Variants in ESRRB observed in about 807,000 individuals in gnomAD.
ESRRB encodes steroid hormone receptor ERR2.
Under a neutral mutation model 46.0 loss-of-function variants are expected in ESRRB, and 16 were observed. The ratio of observed to expected loss-of-function variants is 0.35; its 90% CI spans 0.24 to 0.53. ESRRB has a LOEUF of 0.53. ESRRB is among the 20% of genes least tolerant of loss of function. The pLI, the probability that ESRRB is intolerant of heterozygous loss-of-function variation, is 0.93. For missense variants in ESRRB, 488 were observed against 607.4 expected (o/e 0.80, Z 2.07); for synonymous variants, 246 against 259.6 (o/e 0.95, Z 0.50).
At chr14:76,336,897 A>G (rs1349531100) in intron 1 of ESRRB, among the ~76,000 whole-genome samples, 1 of 152,166 alleles carries the variant, frequency 6.6e-6, no homozygotes, top group South Asian at 2.1e-4. Flanking sequence ...TCGTGAACAC[A>G]TTTAGTGTAT....
intron 1 of ESRRB, among the ~76,000 whole-genome samples, chr14:76,341,878 G>A (rs1385410618): frequency 6.6e-6 from 1 of 152,240 alleles, no homozygotes; most frequent in Non-Finnish European, 1.5e-5. Flanking sequence ...GCAAATTCAT[G>A]CTTGTCCTTC....
intron 2 of ESRRB, among the ~76,000 whole-genome samples, chr14:76,445,452 G>A (rs1206821775): frequency 7.5e-4 from 55 of 73,504 alleles, no homozygotes; most frequent in African/African-American, 2.6e-3. Context: ...GGCAACAAAA[G>A]CAAAACTCCG....
At chr14:76,434,503 T>C (rs147767576) in intron 1 of ESRRB, among the ~76,000 whole-genome samples, 10 of 150,718 alleles carry the variant, frequency 6.6e-5, no homozygotes, top group Admixed American at 3.3e-4. Flanking sequence ...AAAAACAGAA[T>C]ACAAAAATTA....
intron 1 of ESRRB, among the ~76,000 whole-genome samples, chr14:76,398,286 C>CT (rs1215545669): frequency 6.6e-6 from 1 of 152,126 alleles, no homozygotes; most frequent in Non-Finnish European, 1.5e-5. Context: ...AGTAGCACCC[C>CT]CAAAGTCACA....
chr14:76,359,323 A>C (rs1398934086), intron 1 of ESRRB, among the ~76,000 whole-genome samples: 1 of 152,246 alleles, frequency 6.6e-6, no homozygotes, highest in Non-Finnish European at 1.5e-5. Flanking sequence ...TTCAAGGGTG[A>C]GGAAATGCAC....
At chr14:76,368,883 C>T (rs1382814361), upstream of ESRRB, among the ~76,000 whole-genome samples, 1 of 152,142 alleles carries the variant, frequency 6.6e-6, no homozygotes, top group East Asian at 1.9e-4. Context: ...GCACTTTTCT[C>T]GTGTAAAAAC....
intron 3 of ESRRB, 129 bp from the exon 4 acceptor site, chr14:76,481,887 G>A: frequency 1.2e-6 from 1 of 812,330 alleles, no homozygotes; most frequent in Non-Finnish European, 2.1e-6. Flanking sequence ...GCTGGCCGTG[G>A]GGCAGCTGTC....
At chr14:76,350,351 C>A (rs1488447174) in intron 1 of ESRRB, among the ~76,000 whole-genome samples, 1 of 152,200 alleles carries the variant, frequency 6.6e-6, no homozygotes, top group East Asian at 1.9e-4. Flanking sequence ...TTCAAAACAG[C>A]CCTTGCCCTC....
At chr14:76,441,759 G>T (rs1274584935) in intron 2 of ESRRB, among the ~76,000 whole-genome samples, 4 of 152,214 alleles carry the variant, frequency 2.6e-5, no homozygotes, top group Non-Finnish European at 4.4e-5. Context: ...ACTCATGCAG[G>T]TCACTGCGAT....
rs1890607130 is a variant in ESRRB, at chr14:76,500,102, C to G, written c.*1644C>G. 6.6e-7 allele frequency: 1 copy of G among 1,520,974 alleles called. No homozygotes were observed. The highest frequency in any genetic ancestry group is 8.9e-7 in the Non-Finnish European group (1 of 1,122,702). The allele number at this position is 1,520,974 out of a possible 1,614,324, so 94.2% of individuals were successfully genotyped here. On this transcript the variant is annotated 3_prime_UTR_variant, in exon 7 of 7. Coordinates refer to ENST00000644823, the MANE Select transcript of ESRRB (RefSeq NM_001379180.1). ...GCAGCTTTTCCATAGAAGCCCTGGT[C>G]CCACCTCCTTGGCTCTACCCCAGGA...
At chr14:76,417,205 C>T (rs528666422) in intron 1 of ESRRB, among the ~76,000 whole-genome samples, 2 of 152,166 alleles carry the variant, frequency 1.3e-5, no homozygotes, top group Admixed American at 6.5e-5. Context: ...TTCCCTGAAA[C>T]GTGACATCTC....
intron 1 of ESRRB, among the ~76,000 whole-genome samples, chr14:76,405,910 C>A (rs919381296): frequency 6.6e-5 from 10 of 151,962 alleles, no homozygotes; most frequent in African/African-American, 2.2e-4. Context: ...CAGAGTGAGA[C>A]CCTGTCTCAG....
At chr14:76,406,846 A>G (rs1886208278) in intron 1 of ESRRB, among the ~76,000 whole-genome samples, 1 of 152,248 alleles carries the variant, frequency 6.6e-6, no homozygotes, top group Admixed American at 6.5e-5. Flanking sequence ...CATGTGGACA[A>G]ATAAACAGAC....
chr14:76,344,332 T>C (rs895885329), intron 1 of ESRRB, among the ~76,000 whole-genome samples: 2 of 152,166 alleles, frequency 1.3e-5, no homozygotes, highest in Non-Finnish European at 2.9e-5. Flanking sequence ...ATGAATAAAT[T>C]CTTTAGTGGT....
intron 1 of ESRRB, among the ~76,000 whole-genome samples, chr14:76,320,846 G>C (rs528334349): frequency 6.6e-6 from 1 of 152,262 alleles, no homozygotes; most frequent in South Asian, 2.1e-4. Context: ...TTGGAGGAAT[G>C]ACATTGTTTC....
At chr14:76,390,866 A>G (rs1885440278) in intron 1 of ESRRB, among the ~76,000 whole-genome samples, 2 of 152,190 alleles carry the variant, frequency 1.3e-5, no homozygotes, top group African/African-American at 4.8e-5. Context: ...CCACAGCAGC[A>G]CATGGTTGAA....
intron 1 of ESRRB, among the ~76,000 whole-genome samples, chr14:76,421,236 G>T (rs1886940025): frequency 6.6e-6 from 1 of 152,206 alleles, no homozygotes; most frequent in Admixed American, 6.5e-5. Flanking sequence ...CTCCAGAGAT[G>T]TGTAACCCCA....
intron 1 of ESRRB, among the ~76,000 whole-genome samples, chr14:76,359,391 G>GA (rs1436014493): frequency 1.3e-5 from 2 of 152,154 alleles, no homozygotes; most frequent in Non-Finnish European, 2.9e-5. Flanking sequence ...TTATAGGGGT[G>GA]AAAAAACAAT....
At chr14:76,334,524 G>C (rs532037560) in intron 1 of ESRRB, among the ~76,000 whole-genome samples, 1 of 152,170 alleles carries the variant, frequency 6.6e-6, no homozygotes. Flanking sequence ...ATTTTCAACC[G>C]GGTTCCACTC....
Sources: gnomAD v4.1 joint callset for allele counts (sites outside exome capture counted in the v4.1 genomes callset) on GRCh38, gnomAD v4.1.1 for gene constraint, MANE v1.5 for transcripts, NCBI Gene and HGNC (gene_info 2026-07-23, HGNC 2026-07-21) for gene names.